The following KIF4A variants were observed in gnomAD, a reference collection of about 807,000 sequenced individuals.
KIF4A encodes kinesin family member 4A, also known as chromosome-associated kinesin KIF4A.
A neutral mutation model predicts 105.9 loss-of-function variants in KIF4A; 7 were observed. The observed-to-expected ratio is 0.07, with a 90% confidence interval of 0.04 to 0.12. KIF4A has a LOEUF of 0.12. KIF4A is among the 10% of genes least tolerant of loss of function. The pLI is 1.00. For synonymous variants in KIF4A, 281 were observed against 331.3 expected (o/e 0.85, Z 1.65); for missense variants, 558 against 929.2 (o/e 0.60, Z 5.19).
intron 20 of KIF4A, among the ~76,000 whole-genome samples, chrX:70,391,337 A>G (rs1273149169): frequency 3.6e-5 from 4 of 111,537 alleles, no homozygotes; most frequent in African/African-American, 1.3e-4. Flanking sequence ...TGTAAATACA[A>G]TTTTATTTCT....
chrX:70,419,910 C>T lies in KIF4A; in HGVS notation c.3495+127C>T, dbSNP rs946352618. ...AATCAGCTTGCTGGGAACTAGGGATCGGGCATAGACTCTAGTCTGGTTTTT... is the reference window on the plus strand; with the variant it reads ...AATCAGCTTGCTGGGAACTAGGGATTGGGCATAGACTCTAGTCTGGTTTTT... On this transcript the variant is annotated intron_variant, in intron 30 of 30. Transcript: ENST00000374403. The T allele has an allele frequency of 6.5e-5, 66 of 1,011,226 alleles. 1 individual carries two copies. In the Admixed American group the frequency reaches 8.9e-4, roughly 14 times the overall value. 83.3% of individuals were successfully genotyped at this position (1,011,226 alleles called of 1,213,427 possible).
rs965151649 is a variant in KIF4A at position 70,351,522 on chromosome X, C to G, written c.1432-1078C>G. 5.4e-5 allele frequency among the ~76,000 whole-genome samples: 6 copies of G among 110,875 alleles called. 1 individual carries two copies. The Admixed American group carries it at 5.7e-4, about 11-fold the overall frequency. On this transcript the variant is annotated intron_variant, in intron 13 of 30. Coordinates refer to ENST00000374403, the MANE Select transcript of KIF4A (RefSeq NM_012310.5). Reference sequence around the variant, plus strand: ...GTTCCATGGTGTGACTATTACTATTCCAGTAGTAGTCCATGGTGTATCAAT... The same window carrying G: ...GTTCCATGGTGTGACTATTACTATTGCAGTAGTAGTCCATGGTGTATCAAT...
intron 29 of KIF4A, among the ~76,000 whole-genome samples, chrX:70,419,112 T>G (rs1204708166): frequency 9.2e-6 from 1 of 108,614 alleles, no homozygotes; most frequent in East Asian, 2.9e-4. Flanking sequence ...ACTTCTAACA[T>G]AGATAGGCAA....
chrX:70,385,961 C>A (rs1160770787), intron 18 of KIF4A, among the ~76,000 whole-genome samples: 1 of 111,311 alleles, frequency 9.0e-6, no homozygotes, highest in Non-Finnish European at 1.9e-5. Context: ...GATCCCATCA[C>A]CCAGATAGTG....
At chrX:70,330,782 A>G (rs1469706361) in intron 9 of KIF4A, among the ~76,000 whole-genome samples, 1 of 112,179 alleles carries the variant, frequency 8.9e-6, no homozygotes, top group Non-Finnish European at 1.9e-5. Context: ...CACAAAACAA[A>G]GAGAGTTCTA....
intron 7 of KIF4A, among the ~76,000 whole-genome samples, chrX:70,319,918 A>G (rs903709180): frequency 8.9e-6 from 1 of 111,748 alleles, no homozygotes; most frequent in African/African-American, 3.3e-5. Flanking sequence ...ACCACTATGT[A>G]AGAGATATCC....
At chrX:70,375,457 C>T in intron 17 of KIF4A, 109 bp downstream of exon 17, 1 of 764,748 alleles carries the variant, frequency 1.3e-6, no homozygotes, top group Non-Finnish European at 1.9e-6. Flanking sequence ...GCAGGCAGAG[C>T]AATCATTTCA....
intron 7 of KIF4A, among the ~76,000 whole-genome samples, chrX:70,320,326 T>C (rs746345479): frequency 8.9e-6 from 1 of 111,944 alleles, no homozygotes; most frequent in East Asian, 2.8e-4. Context: ...CTAAATACCA[T>C]AGCTAGGTTA....
rs1257509397 is a variant in KIF4A at position 70,306,227 on chromosome X, C to T, written c.778+3829C>T. 2.7e-5 allele frequency among the ~76,000 whole-genome samples: 3 copies of T among 112,078 alleles called. No individual in the cohort carries two copies. The Admixed American group carries it at 2.8e-4, about 11-fold the overall frequency. ...GGTCTCTATTCCTTTGATCTATATG[C>T]CTTACGCCTTATGTCTTCATTACTG... On this transcript the variant is annotated intron_variant, in intron 7 of 30. Coordinates refer to ENST00000374403, the MANE Select transcript of KIF4A (RefSeq NM_012310.5).
intron 28 of KIF4A, chrX:70,415,275 G>C (rs1035779004): frequency 4.1e-6 from 1 of 241,686 alleles, no homozygotes; most frequent in Non-Finnish European, 7.6e-6. Flanking sequence ...GTTTAGAAAC[G>C]TGTAAGACAA....
rs764011683 is a variant in KIF4A at position 70,367,346 on chromosome X, C to T, written c.1675-6805C>T. 3.6e-5 allele frequency among the ~76,000 whole-genome samples: 4 copies of T among 111,619 alleles called. No homozygotes were observed. In the East Asian group the frequency reaches 8.4e-4, roughly 23 times the overall value. On this transcript the variant is annotated intron_variant, in intron 15 of 30. Coordinates refer to ENST00000374403, the MANE Select transcript of KIF4A (RefSeq NM_012310.5). The stretch of plus-strand genomic sequence containing the variant: ...AGTTGATGCAGTTTCTTCCTAGCCT[C>T]GATGGTCTTTACAATTTGGTATGTT...
rs200873794 is a variant in KIF4A at position 70,297,221 on chromosome X, G to A, written c.426+33G>A. The A allele has an allele frequency of 7.7e-5, 88 of 1,136,174 alleles. 1 individual carries two copies. The East Asian group carries it at 1.3e-3, about 17-fold the overall frequency. The allele number at this position is 1,136,174 out of a possible 1,213,427, so 93.6% of individuals were successfully genotyped here. On this transcript the variant is annotated intron_variant, in intron 4 of 30. Transcript: ENST00000374403. The stretch of plus-strand genomic sequence containing the variant: ...ATTTATGTTTAATTATTCTGAATTC[G>A]AAATTGTCTTTGGGTCGAAAAATAA...
rs926517164 is a variant in KIF4A, at chrX:70,302,355, A to G, written c.735A>G (p.Glu245=). Residue 245 remains glutamate, a synonymous_variant, in exon 7 of 31, where the codon GAA becomes GAG. Coordinates refer to ENST00000374403, the MANE Select transcript of KIF4A (RefSeq NM_012310.5). ...KLHLVDLAGS[E]RQKKTKAEGD... ...ATCTTGTAGACCTCGCTGGATCAGA[A>G]AGACAGAAGAAAACCAAGGCTGAAG... 36 of 1,210,326 alleles carry G rather than the reference A, an allele frequency of 3.0e-5. 1 individual carries two copies. The Middle Eastern group carries it at 1.4e-3, about 46-fold the overall frequency.
At chrX:70,326,325 C>T (rs1569233803) in intron 7 of KIF4A, among the ~76,000 whole-genome samples, 1 of 111,733 alleles carries the variant, frequency 8.9e-6, no homozygotes, top group East Asian at 2.8e-4. Flanking sequence ...CGATGAATGC[C>T]AGTGGCACAC....
chrX:70,301,030 A>G (rs2085802468), intron 5 of KIF4A, among the ~76,000 whole-genome samples: 1 of 111,989 alleles, frequency 8.9e-6, no homozygotes, highest in Non-Finnish European at 1.9e-5. Context: ...AAAGGAAGTG[A>G]TGGATTCAAA....
intron 18 of KIF4A, among the ~76,000 whole-genome samples, chrX:70,379,396 A>G (rs1232536977): frequency 8.9e-6 from 1 of 111,886 alleles, no homozygotes; most frequent in Non-Finnish European, 1.9e-5. Context: ...GTATAGACCC[A>G]TGACAAGAAG....
rs765173896 is a variant in KIF4A, at chrX:70,402,820, T to A, written c.2619+125T>A. Reference sequence around the variant, plus strand: ...GGTAGAAACCCTAATAACACTAACATTAGAGAGTTTAGTAGATAAAGGTTG... The same window carrying A: ...GGTAGAAACCCTAATAACACTAACAATAGAGAGTTTAGTAGATAAAGGTTG... On this transcript the variant is annotated intron_variant, in intron 23 of 30. Transcript: ENST00000374403. 6.8e-5 allele frequency: 55 copies of A among 813,164 alleles called. No homozygotes were observed. In the South Asian group the frequency reaches 1.1e-3, roughly 16 times the overall value. 67.0% of individuals were successfully genotyped at this position (813,164 alleles called of 1,213,427 possible).
intron 1 of KIF4A, 118 bp downstream of exon 1, chrX:70,290,268 C>T (rs2085752656): frequency 2.0e-6 from 1 of 490,022 alleles, no homozygotes; most frequent in African/African-American, 2.4e-5. Flanking sequence ...AGCCCGTGCA[C>T]TCTCTTTAGA....
At chrX:70,353,259 G>A (rs761674674) in intron 14 of KIF4A, among the ~76,000 whole-genome samples, 2 of 112,027 alleles carry the variant, frequency 1.8e-5, no homozygotes, top group Admixed American at 1.9e-4. Context: ...AGGTACTAGA[G>A]GTCAGCTGTG....
Sources: gnomAD v4.1 joint callset for allele counts (sites outside exome capture counted in the v4.1 genomes callset) on GRCh38, gnomAD v4.1.1 for gene constraint, MANE v1.5 for transcripts, NCBI Gene and HGNC (gene_info 2026-07-23, HGNC 2026-07-21) for gene names.